The following KCNB2 variants were observed in gnomAD, a reference collection of about 807,000 sequenced individuals.
The protein encoded by KCNB2 is potassium voltage-gated channel subfamily B member 2, also known as delayed rectifier potassium channel protein.
In KCNB2, 15 loss-of-function variants were observed where a neutral mutation model predicts 61.5. That is an observed-to-expected ratio of 0.24 (90% CI 0.16 to 0.38). The LOEUF (loss-of-function observed/expected upper bound fraction) is 0.38, where lower values mean the gene tolerates loss of function less well. Ranked by LOEUF, KCNB2 falls within the 10% of genes least tolerant of loss-of-function variation. The pLI is 1.00. For synonymous variants in KCNB2, 457 were observed against 446.0 expected (o/e 1.02, Z -0.31); for missense variants, 828 against 1,125.2 (o/e 0.74, Z 3.78).
At chr8:72,610,219 A>G (rs1400567811) in intron 2 of KCNB2, among the ~76,000 whole-genome samples, 1 of 152,200 alleles carries the variant, frequency 6.6e-6, no homozygotes, top group African/African-American at 2.4e-5. Flanking sequence ...TGAAGAGTAG[A>G]TGTTGTACTG....
intron 1 of KCNB2, among the ~76,000 whole-genome samples, chr8:72,559,224 C>T (rs1806474018): frequency 1.3e-5 from 2 of 152,032 alleles, no homozygotes; most frequent in African/African-American, 4.8e-5. Flanking sequence ...GGGCTCATTG[C>T]AACCTCTGCT....
intron 2 of KCNB2, among the ~76,000 whole-genome samples, chr8:72,593,277 C>T (rs931834862): frequency 2.6e-4 from 39 of 152,160 alleles, no homozygotes; most frequent in African/African-American, 9.4e-4. Context: ...GTATAAAAAA[C>T]TATAAAAGAC....
At chr8:72,928,843 T>C (rs1806711888) in intron 2 of KCNB2, among the ~76,000 whole-genome samples, 1 of 151,766 alleles carries the variant, frequency 6.6e-6, no homozygotes, top group Non-Finnish European at 1.5e-5. Flanking sequence ...TTCAATTGTC[T>C]AGGTTTGTCA....
At chr8:72,655,104 A>G (rs1312603273) in intron 2 of KCNB2, among the ~76,000 whole-genome samples, 3 of 152,154 alleles carry the variant, frequency 2.0e-5, no homozygotes, top group African/African-American at 7.2e-5. Flanking sequence ...ATCAAAGAAT[A>G]CTACACAGCT....
At chr8:72,591,695 T>C (rs1397551880) in intron 2 of KCNB2, among the ~76,000 whole-genome samples, 1 of 152,124 alleles carries the variant, frequency 6.6e-6, no homozygotes, top group East Asian at 1.9e-4. Flanking sequence ...CTATACATAA[T>C]AGAGAAAATT....
chr8:72,660,197 T>C (rs1806356219), intron 2 of KCNB2, among the ~76,000 whole-genome samples: 1 of 152,174 alleles, frequency 6.6e-6, no homozygotes, highest in Non-Finnish European at 1.5e-5. Context: ...GAAGGATGCT[T>C]GTTAAAGGAG....
rs1806932417 is a variant in KCNB2 at position 72,937,271 on chromosome 8, G to T, written c.1916G>T (p.Gly639Val). Residue 639 changes from glycine to valine, a missense_variant, in exon 3 of 3, where the codon GGG (glycine) becomes GTG (valine). Gly to Val is a moderately radical substitution (Grantham distance 109). Transcript: ENST00000523207. ...ATGAAGTTCCCAACCGACCTCCCAG[G>T]GACAGAAGAGCACCAAAGAGCTAGG... Reference protein sequence around the residue: ...LQMKFPTDLPGTEEHQRARGP... With the variant: ...LQMKFPTDLPVTEEHQRARGP... 3.7e-6 allele frequency: 6 copies of T among 1,613,826 alleles called. No individual in the cohort carries two copies. Among genetic ancestry groups the T allele is most frequent in the Non-Finnish European group, 5.1e-6 (6 of 1,180,006 alleles).
intron 2 of KCNB2, among the ~76,000 whole-genome samples, chr8:72,679,426 A>G (rs1806716011): frequency 6.6e-6 from 1 of 152,226 alleles, no homozygotes; most frequent in Non-Finnish European, 1.5e-5. Context: ...CTTGGTCCAC[A>G]ACACTTAGCA....
At chr8:72,606,476 T>C (rs1805454156) in intron 2 of KCNB2, among the ~76,000 whole-genome samples, 1 of 152,224 alleles carries the variant, frequency 6.6e-6, no homozygotes, top group Admixed American at 6.5e-5. Flanking sequence ...ATAATGGTGA[T>C]TTGTGATTTT....
chr8:72,796,059 C>T (rs1447683149), intron 2 of KCNB2, among the ~76,000 whole-genome samples: 1 of 152,184 alleles, frequency 6.6e-6, no homozygotes, highest in Non-Finnish European at 1.5e-5. Context: ...TCCTTTCTTA[C>T]ATAATAAATA....
chr8:72,635,990 A>G (rs993631098), intron 2 of KCNB2, among the ~76,000 whole-genome samples: 4 of 152,164 alleles, frequency 2.6e-5, no homozygotes, highest in African/African-American at 9.7e-5. Context: ...ACTGTACTTT[A>G]TAGGGTTTTC....
At chr8:72,563,735 G>C (rs1806581603) in intron 1 of KCNB2, among the ~76,000 whole-genome samples, 1 of 152,132 alleles carries the variant, frequency 6.6e-6, no homozygotes, top group South Asian at 2.1e-4. Context: ...CTGTTGATCA[G>C]GGCTGATGCT....
intron 2 of KCNB2, among the ~76,000 whole-genome samples, chr8:72,621,540 AATTTTTT>A (rs1805713156): frequency 6.6e-6 from 1 of 152,014 alleles, no homozygotes; most frequent in African/African-American, 2.4e-5. Flanking sequence ...ATTTATTTAT[AATTTTTT>A]ATTTTTAATG....
intron 2 of KCNB2, among the ~76,000 whole-genome samples, chr8:72,722,054 C>A (rs1807558278): frequency 6.6e-6 from 1 of 152,218 alleles, no homozygotes; most frequent in African/African-American, 2.4e-5. Context: ...ACCCCAGGAT[C>A]CTCCCTGAAG....
At chr8:72,824,157 C>T (rs1382067627) in intron 2 of KCNB2, among the ~76,000 whole-genome samples, 1 of 152,136 alleles carries the variant, frequency 6.6e-6, no homozygotes, top group Non-Finnish European at 1.5e-5. Flanking sequence ...AAACTTGGAA[C>T]TTGACCAAAT....
intron 2 of KCNB2, among the ~76,000 whole-genome samples, chr8:72,854,095 T>C (rs1810165447): frequency 6.6e-6 from 1 of 152,230 alleles, no homozygotes; most frequent in African/African-American, 2.4e-5. Context: ...ATTTATTTAC[T>C]TATTTATGGG....
At chr8:72,684,851 T>G (rs1381181943) in intron 2 of KCNB2, among the ~76,000 whole-genome samples, 1 of 152,242 alleles carries the variant, frequency 6.6e-6, no homozygotes, top group Non-Finnish European at 1.5e-5. Context: ...CACACAGATT[T>G]ATTTTATGGG....
At chr8:72,769,021 G>A (rs1027877098) in intron 2 of KCNB2, among the ~76,000 whole-genome samples, 7 of 152,000 alleles carry the variant, frequency 4.6e-5, no homozygotes, top group Non-Finnish European at 7.4e-5. Context: ...TTAGCCAGGC[G>A]TGGTGGCACA....
chr8:72,786,559 A>T lies in KCNB2; in HGVS notation c.580-149376A>T, dbSNP rs182634408. 4.3e-3 allele frequency among the ~76,000 whole-genome samples: 656 copies of T among 152,200 alleles called. 4 individuals are homozygous for T. Among genetic ancestry groups the T allele is most frequent in the African/African-American group, 0.015 (617 of 41,552 alleles). ...GGATATTTTCTCCTCTTCCTTTACA[A>T]CTAGGTAAATTCAGCTGGGGTTCAG... On this transcript the variant is annotated intron_variant, in intron 2 of 2. Transcript: ENST00000523207.
Sources: gnomAD v4.1 joint callset for allele counts (sites outside exome capture counted in the v4.1 genomes callset) on GRCh38, gnomAD v4.1.1 for gene constraint, MANE v1.5 for transcripts, NCBI Gene and HGNC (gene_info 2026-07-23, HGNC 2026-07-21) for gene names.